The following TLE4 variants were observed in gnomAD, a reference collection of about 807,000 sequenced individuals.
TLE4 encodes the protein TLE family member 4, transcriptional corepressor.
In TLE4, 8 loss-of-function variants were observed where a neutral mutation model predicts 92.8. That is an observed-to-expected ratio of 0.09 (90% CI 0.05 to 0.16). The LOEUF is 0.16. Ranked by LOEUF, TLE4 falls within the 10% of genes least tolerant of loss-of-function variation. TLE4 has a pLI of 1.00. For missense variants in TLE4, 675 were observed against 997.6 expected (o/e 0.68, Z 4.36); for synonymous variants, 371 against 374.1 (o/e 0.99, Z 0.10).
Position 79,709,651 on chromosome 9 carries a change from G to T in TLE4, c.1292G>T (p.Arg431Leu). 6.2e-7 allele frequency: 1 copy of T among 1,614,040 alleles called. No homozygotes were observed. Among genetic ancestry groups the T allele is most frequent in the Non-Finnish European group, 8.5e-7 (1 of 1,179,982 alleles). Residue 431 changes from arginine (R) to leucine (L), a missense_variant, in exon 14 of 20, where the codon CGT becomes CTT. By Grantham distance (102) the Arg-to-Leu change is moderately radical (BLOSUM62 -2). Transcript: ENST00000376552. Reference sequence around the variant, plus strand: ...GGATTTGATCCACACCATCACATGCGTGTGCCAGCAATACCTCCAAACCTG... The same window carrying T: ...GGATTTGATCCACACCATCACATGCTTGTGCCAGCAATACCTCCAAACCTG... Reference protein sequence around the residue: ...VVGFDPHHHMRVPAIPPNLTG... With the variant: ...VVGFDPHHHMLVPAIPPNLTG...
At position 79,712,427 on chromosome 9, in the gene TLE4, A is replaced by T. The variant is rs373437460; in HGVS notation, c.1340+2728A>T. On this transcript the variant is annotated intron_variant, in intron 14 of 19. Coordinates refer to ENST00000376552, the MANE Select transcript of TLE4 (RefSeq NM_007005.6). Reference sequence around the variant, plus strand: ...AGATCATAAGATACTGAATTGTGCAATGTTGTCTTGTGCATATTTTTCAAG... The same window carrying T: ...AGATCATAAGATACTGAATTGTGCATTGTTGTCTTGTGCATATTTTTCAAG... 7.2e-5 allele frequency among the ~76,000 whole-genome samples: 11 copies of T among 152,328 alleles called. No homozygotes were observed. In the East Asian group the frequency reaches 1.5e-3, roughly 21 times the overall value.
intron 10 of TLE4, 111 bp downstream of exon 10, chr9:79,706,053 G>A: frequency 9.1e-7 from 1 of 1,094,658 alleles, no homozygotes; most frequent in South Asian, 1.3e-5. Flanking sequence ...TGTTATTGTT[G>A]TTGTTTTTTG....
At chr9:79,715,704 C>A (rs1185674406) in intron 14 of TLE4, among the ~76,000 whole-genome samples, 2 of 152,126 alleles carry the variant, frequency 1.3e-5, no homozygotes, top group African/African-American at 4.8e-5. Context: ...TCTTCCACTA[C>A]CCAGAGGCTG....
intron 14 of TLE4, among the ~76,000 whole-genome samples, chr9:79,713,194 C>G (rs1275836403): frequency 6.6e-6 from 1 of 152,182 alleles, no homozygotes; most frequent in Non-Finnish European, 1.5e-5. Context: ...CACAGCATAA[C>G]AGAACTGGGC....
At chr9:79,615,026 T>C (rs572425862) in intron 5 of TLE4, among the ~76,000 whole-genome samples, 3 of 152,304 alleles carry the variant, frequency 2.0e-5, no homozygotes, top group African/African-American at 7.2e-5. Context: ...AAGGTATGTG[T>C]GTATCTTTTA....
At chr9:79,649,992 T>A (rs1427929820) in intron 6 of TLE4, 1 of 756,558 alleles carries the variant, frequency 1.3e-6, no homozygotes, top group Non-Finnish European at 1.9e-6. Context: ...CATGGCTCAC[T>A]GCAGCCATGA....
rs1188104900 is a variant in TLE4 at position 79,726,812 on chromosome 9, A to G, written c.*1668A>G. On this transcript the variant is annotated 3_prime_UTR_variant, in exon 20 of 20. Coordinates refer to ENST00000376552, the MANE Select transcript of TLE4 (RefSeq NM_007005.6). The stretch of plus-strand genomic sequence containing the variant: ...TTTTATCTTTGGCTGTGCCACTCCT[A>G]TATATTAAAAATGCCTAGTTTTTTC... 1.3e-5 allele frequency: 2 copies of G among 152,468 alleles called. No individual in the cohort carries two copies. Among genetic ancestry groups the G allele is most frequent in the Non-Finnish European group, 2.9e-5 (2 of 68,018 alleles). The allele number at this position is 152,468 out of a possible 1,614,324, so 9.4% of individuals were successfully genotyped here.
intron 5 of TLE4, among the ~76,000 whole-genome samples, chr9:79,619,579 C>G (rs2050463890): frequency 6.6e-6 from 1 of 152,112 alleles, no homozygotes; most frequent in Non-Finnish European, 1.5e-5. Flanking sequence ...TATAGGAGAG[C>G]ATGGTTAAAA....
chr9:79,612,214 C>T (rs891369441), intron 4 of TLE4, among the ~76,000 whole-genome samples: 10 of 152,006 alleles, frequency 6.6e-5, no homozygotes, highest in African/African-American at 2.4e-4. Context: ...GTTTTTAAAG[C>T]AAAGGCCACA....
In TLE4 at chr9:79,705,430, C is replaced by T. The variant is rs112439027; in HGVS notation, c.730-459C>T. On this transcript the variant is annotated intron_variant, in intron 9 of 19. Transcript: ENST00000376552. ...CTGGATGGAGCAGTGTGGAGGCAGG[C>T]GGCCCCTGCTCTGCTTCCCTGCTGG... Among the ~76,000 whole-genome samples the T allele has an allele frequency of 1.5e-3, 234 of 152,294 alleles. 2 individuals carry two copies. The highest frequency in any genetic ancestry group is 4.7e-3 in the African/African-American group (194 of 41,562).
intron 4 of TLE4, among the ~76,000 whole-genome samples, chr9:79,592,267 TTC>T (rs2042876936): frequency 6.7e-6 from 1 of 148,694 alleles, no homozygotes; most frequent in South Asian, 2.1e-4. Flanking sequence ...TTCTTTCTTC[TTC>T]TTCTTCTTTT....
intron 4 of TLE4, among the ~76,000 whole-genome samples, chr9:79,606,187 G>GTTGTTTTTT (rs2046834923): frequency 3.5e-4 from 10 of 28,714 alleles, no homozygotes; most frequent in Non-Finnish European, 5.8e-4. Context: ...AGTAGTAGTT[G>GTTGTTTTTT]TTTTTTTTTT....
chr9:79,676,695 C>G (rs908580858), intron 8 of TLE4, among the ~76,000 whole-genome samples: 16 of 152,164 alleles, frequency 1.1e-4, no homozygotes, highest in African/African-American at 3.6e-4. Flanking sequence ...CATCGTCTAG[C>G]CTTATCTATG....
chr9:79,579,842 T>G (rs1036279059), intron 4 of TLE4, among the ~76,000 whole-genome samples: 2 of 152,204 alleles, frequency 1.3e-5, no homozygotes, highest in African/African-American at 4.8e-5. Context: ...ATCATAATCA[T>G]AGCCTCTTTG....
chr9:79,597,655 C>G (rs138670326), intron 4 of TLE4, among the ~76,000 whole-genome samples: 4 of 152,246 alleles, frequency 2.6e-5, no homozygotes, highest in African/African-American at 9.6e-5. Flanking sequence ...AGCCAGAAAC[C>G]CATAGAGGCA....
chr9:79,601,766 C>T (rs911257825), intron 4 of TLE4, among the ~76,000 whole-genome samples: 4 of 152,140 alleles, frequency 2.6e-5, no homozygotes, highest in Admixed American at 2.0e-4. Flanking sequence ...CACGGGAGGG[C>T]CTCTAAGTGT....
intron 8 of TLE4, among the ~76,000 whole-genome samples, chr9:79,678,008 C>A (rs3901862): frequency 0.17 from 26,143 of 152,016 alleles, 2,584 homozygotes; most frequent in African/African-American, 0.26. Context: ...AGCTTGTTAA[C>A]AAAGCAACTA....
Position 79,584,420 on chromosome 9 carries a change from G to C in TLE4, c.252+8243G>C, listed in dbSNP as rs116099318. ...AAGGTCCACTTTTAGAAAAGTGCTT[G>C]ATAAAACTGGCTATCTGGCATTCCT... On this transcript the variant is annotated intron_variant, in intron 4 of 19. Coordinates refer to ENST00000376552, the MANE Select transcript of TLE4 (RefSeq NM_007005.6). Among the ~76,000 whole-genome samples, 488 of 152,232 alleles carry C rather than the reference G, an allele frequency of 3.2e-3. 1 individual carries two copies. The highest frequency in any genetic ancestry group is 0.011 in the African/African-American group (463 of 41,538).
intron 4 of TLE4, among the ~76,000 whole-genome samples, chr9:79,588,999 G>A (rs2041888233): frequency 6.6e-6 from 1 of 152,118 alleles, no homozygotes; most frequent in African/African-American, 2.4e-5. Context: ...GATGATATTT[G>A]GGGTTGTCAC....
Sources: gnomAD v4.1 joint callset for allele counts (sites outside exome capture counted in the v4.1 genomes callset) on GRCh38, gnomAD v4.1.1 for gene constraint, MANE v1.5 for transcripts, NCBI Gene and HGNC (gene_info 2026-07-23, HGNC 2026-07-21) for gene names.